GPR137C: variants seen among roughly 807,000 people sequenced by gnomAD.
GPR137C encodes G protein-coupled receptor 137C, also known as integral membrane protein GPR137C.
Under a neutral mutation model 43.4 loss-of-function variants are expected in GPR137C, and 27 were observed. The ratio of observed to expected loss-of-function variants is 0.62; its 90% CI spans 0.46 to 0.86. The LOEUF (loss-of-function observed/expected upper bound fraction) is 0.86. Ranked by LOEUF, GPR137C falls within the 40% of genes least tolerant of loss-of-function variation. The pLI, the probability that GPR137C is intolerant of heterozygous loss-of-function variation, is 0.00. For synonymous variants in GPR137C, 285 were observed against 226.9 expected, an observed-to-expected ratio of 1.26 and a Z score of -2.30; for missense variants, 522 against 534.6, an observed-to-expected ratio of 0.98 and a Z score of 0.23.
chr14:52,582,061 A>G (rs957830881), intron 1 of GPR137C, among the ~76,000 whole-genome samples: 3 of 152,226 alleles, frequency 2.0e-5, no homozygotes, highest in Non-Finnish European at 4.4e-5. Flanking sequence ...TGGGTAGTTT[A>G]TAAGAAAACA....
intron 1 of GPR137C, among the ~76,000 whole-genome samples, chr14:52,560,641 C>T (rs1364421410): frequency 6.6e-6 from 1 of 152,076 alleles, no homozygotes; most frequent in Middle Eastern, 3.2e-3. Context: ...CCCAAAAGTG[C>T]CAAGGTAATT....
chr14:52,588,657 A>G (rs560303006), intron 1 of GPR137C, among the ~76,000 whole-genome samples: 1 of 152,346 alleles, frequency 6.6e-6, no homozygotes, highest in East Asian at 1.9e-4. Context: ...AAAGAAGTGA[A>G]GATTAAAAGA....
chr14:52,628,029 A>T (rs2039249497), intron 3 of GPR137C, among the ~76,000 whole-genome samples: 1 of 152,176 alleles, frequency 6.6e-6, no homozygotes, highest in Non-Finnish European at 1.5e-5. Context: ...AAATACTCTC[A>T]TGTGGCTAGT....
chr14:52,612,473 GTT>G (rs2039048741), intron 3 of GPR137C: 5 of 981,780 alleles, frequency 5.1e-6, no homozygotes, highest in African/African-American at 1.8e-5. Context: ...TTTAGTAAGA[GTT>G]AGAGGTTTTA....
At chr14:52,633,140 C>T (rs1237821115) in intron 4 of GPR137C, among the ~76,000 whole-genome samples, 1 of 152,028 alleles carries the variant, frequency 6.6e-6, no homozygotes, top group Non-Finnish European at 1.5e-5. Flanking sequence ...AGTGACTTAA[C>T]ATGTTACATT....
intron 1 of GPR137C, among the ~76,000 whole-genome samples, chr14:52,565,259 G>A (rs756747444): frequency 2.6e-5 from 4 of 152,096 alleles, no homozygotes; most frequent in Admixed American, 1.3e-4. Flanking sequence ...GGATCAAACC[G>A]AAACCATGGG....
chr14:52,559,388 AAAAC>A (rs1441361636), intron 1 of GPR137C, among the ~76,000 whole-genome samples: 1 of 151,138 alleles, frequency 6.6e-6, no homozygotes, highest in Admixed American at 6.6e-5. Flanking sequence ...CTCAAAAACA[AAAAC>A]AAAAAACCTT....
chr14:52,573,180 T>C (rs891578211), intron 1 of GPR137C, among the ~76,000 whole-genome samples: 56 of 152,308 alleles, frequency 3.7e-4, no homozygotes, highest in African/African-American at 1.3e-3. Flanking sequence ...GCTATCCCCA[T>C]CAAGCTACCA....
intron 3 of GPR137C, among the ~76,000 whole-genome samples, chr14:52,604,059 C>T (rs1004528393): frequency 5.3e-5 from 8 of 152,018 alleles, no homozygotes; most frequent in African/African-American, 1.9e-4. Context: ...TGTATGTCTG[C>T]TTTTGTAGAG....
chr14:52,614,233 A>G (rs1594803524), intron 3 of GPR137C, among the ~76,000 whole-genome samples: 1 of 146,720 alleles, frequency 6.8e-6, no homozygotes, highest in African/African-American at 2.5e-5. Flanking sequence ...CAGTCCTCCC[A>G]CTTCAGCCTC....
intron 3 of GPR137C, among the ~76,000 whole-genome samples, chr14:52,623,229 A>G (rs1270914607): frequency 2.0e-5 from 3 of 152,212 alleles, no homozygotes; most frequent in Admixed American, 2.0e-4. Flanking sequence ...TAGACAAAAC[A>G]TTAACTTAAT....
At chr14:52,593,446 A>G (rs1361766908) in intron 1 of GPR137C, among the ~76,000 whole-genome samples, 2 of 152,190 alleles carry the variant, frequency 1.3e-5, no homozygotes. Flanking sequence ...TTCGGCTGTG[A>G]ATCCATCTGG....
At chr14:52,605,912 A>G (rs541019963) in intron 3 of GPR137C, among the ~76,000 whole-genome samples, 140 of 152,296 alleles carry the variant, frequency 9.2e-4, no homozygotes, top group Non-Finnish European at 6.2e-4. Context: ...ATGGCAAATG[A>G]TCTTTTCAAT....
intron 1 of GPR137C, among the ~76,000 whole-genome samples, chr14:52,557,725 C>A (rs2038215934): frequency 6.6e-6 from 1 of 152,154 alleles, no homozygotes; most frequent in Non-Finnish European, 1.5e-5. Flanking sequence ...CATTTGTCTT[C>A]ACAACCCCCA....
intron 3 of GPR137C, among the ~76,000 whole-genome samples, chr14:52,629,410 G>T (rs1307545075): frequency 6.6e-6 from 1 of 152,090 alleles, no homozygotes; most frequent in Admixed American, 6.5e-5. Flanking sequence ...ATTTTCCTGG[G>T]TCTCAGTTTT....
At chr14:52,618,165 A>G (rs1215454699) in intron 3 of GPR137C, among the ~76,000 whole-genome samples, 1 of 152,212 alleles carries the variant, frequency 6.6e-6, no homozygotes, top group African/African-American at 2.4e-5. Flanking sequence ...GCTTGACTCT[A>G]CATGATTTAT....
At chr14:52,633,784 G>A in intron 5 of GPR137C, 44 bp from the exon 6 acceptor site, 6 of 1,535,296 alleles carry the variant, frequency 3.9e-6, no homozygotes, top group Non-Finnish European at 5.4e-6. Context: ...CTTTCTTAGT[G>A]GAAAAGTAAA....
chr14:52,561,721 A>G (rs902915461), intron 1 of GPR137C, among the ~76,000 whole-genome samples: 2 of 152,200 alleles, frequency 1.3e-5, no homozygotes, highest in Non-Finnish European at 2.9e-5. Flanking sequence ...GAAGCCAGGG[A>G]AAGATGAGCT....
chr14:52,571,989 A>C (rs117491655), intron 1 of GPR137C, among the ~76,000 whole-genome samples: 2,961 of 152,338 alleles, frequency 0.019, 44 homozygotes, highest in Non-Finnish European at 0.032. Flanking sequence ...ATAAACTAGA[A>C]TATCCAGAAG....
Sources: gnomAD v4.1 joint callset for allele counts (sites outside exome capture counted in the v4.1 genomes callset) on GRCh38, gnomAD v4.1.1 for gene constraint, MANE v1.5 for transcripts, NCBI Gene and HGNC (gene_info 2026-07-23, HGNC 2026-07-21) for gene names.